Variants in PAPSS1 observed in about 807,000 individuals in gnomAD.
PAPSS1 encodes the protein 3'-phosphoadenosine 5'-phosphosulfate synthase 1, also known as bifunctional 3'-phosphoadenosine 5'-phosphosulfate synthase 1.
PAPSS1 carries 50 observed loss-of-function variants against 72.0 expected under a neutral mutation model. The observed-to-expected ratio is 0.69, with a 90% CI of 0.55 to 0.88. The LOEUF (loss-of-function observed/expected upper bound fraction) is 0.88, where lower values mean the gene tolerates loss of function less well. Ranked by LOEUF, PAPSS1 falls within the 40% of genes least tolerant of loss-of-function variation. PAPSS1 has a pLI of 0.00. For synonymous variants in PAPSS1, 261 were observed against 263.6 expected (o/e 0.99, Z 0.09); for missense variants, 657 against 782.2 (o/e 0.84, Z 1.91).
At chr4:107,650,667 C>A (rs1487788952) in intron 9 of PAPSS1, among the ~76,000 whole-genome samples, 1 of 152,110 alleles carries the variant, frequency 6.6e-6, no homozygotes, top group African/African-American at 2.4e-5. Flanking sequence ...GAAAACCCAA[C>A]TAAAAGTATC....
At chr4:107,690,972 T>C (rs952410293) in intron 3 of PAPSS1, among the ~76,000 whole-genome samples, 17 of 152,264 alleles carry the variant, frequency 1.1e-4, no homozygotes, top group Middle Eastern at 3.4e-3. Context: ...GAAAATTGTG[T>C]ATATCCAAGG....
chr4:107,655,109 A>T (rs1196298458), intron 7 of PAPSS1, among the ~76,000 whole-genome samples: 1 of 151,156 alleles, frequency 6.6e-6, no homozygotes, highest in African/African-American at 2.4e-5. Flanking sequence ...CCAAGTTAAA[A>T]AAAAAAAAAA....
intron 11 of PAPSS1, among the ~76,000 whole-genome samples, chr4:107,626,116 T>G (rs1383359309): frequency 6.7e-6 from 1 of 149,646 alleles, no homozygotes; most frequent in Non-Finnish European, 1.5e-5. Context: ...AGGCAGAGCT[T>G]GCAGTGAGCC....
chr4:107,622,005 T>C (rs957168649), intron 11 of PAPSS1, among the ~76,000 whole-genome samples: 1 of 152,112 alleles, frequency 6.6e-6, no homozygotes, highest in Non-Finnish European at 1.5e-5. Flanking sequence ...AGGGCACTTG[T>C]ATGGGGAGAC....
chr4:107,710,378 T>A lies in PAPSS1; in HGVS notation c.61-9093A>T, dbSNP rs538570642. Among the ~76,000 whole-genome samples, 78 of 152,310 alleles carry A rather than the reference T, an allele frequency of 5.1e-4. 1 individual carries two copies. In the South Asian group the frequency reaches 0.015, roughly 29 times the overall value. ...TGTACCTAGGAAGTCCCTATAACATTTACTGCCCATATCATTCTTTTGTTA... is the reference window on the plus strand; with the variant it reads ...TGTACCTAGGAAGTCCCTATAACATATACTGCCCATATCATTCTTTTGTTA... On this transcript the variant is annotated intron_variant, in intron 1 of 11. Coordinates refer to ENST00000265174, the MANE Select transcript of PAPSS1 (RefSeq NM_005443.5).
At chr4:107,619,886 A>G (rs958741539) in intron 11 of PAPSS1, among the ~76,000 whole-genome samples, 1 of 151,876 alleles carries the variant, frequency 6.6e-6, no homozygotes, top group African/African-American at 2.4e-5. Flanking sequence ...CAAGGAGGGG[A>G]AAAAAACCCG....
At chr4:107,619,370 T>C (rs1049332466) in intron 11 of PAPSS1, among the ~76,000 whole-genome samples, 1 of 152,194 alleles carries the variant, frequency 6.6e-6, no homozygotes, top group African/African-American at 2.4e-5. Context: ...CACTTCCACA[T>C]AGTGGTGGTT....
chr4:107,647,235 A>G (rs1442912966), intron 9 of PAPSS1, among the ~76,000 whole-genome samples: 1 of 152,238 alleles, frequency 6.6e-6, no homozygotes, highest in East Asian at 1.9e-4. Context: ...CCAGCAGGAC[A>G]TGACAATATT....
intron 11 of PAPSS1, among the ~76,000 whole-genome samples, chr4:107,617,195 A>G (rs1013669319): frequency 6.9e-6 from 1 of 144,728 alleles, no homozygotes. Context: ...CAGGGTTTAT[A>G]TGAGTCTTCG....
At chr4:107,705,308 T>A (rs2726169) in intron 1 of PAPSS1, among the ~76,000 whole-genome samples, 126,153 of 152,188 alleles carry the variant, frequency 0.83, 54,023 homozygotes, top group South Asian at 0.95. Flanking sequence ...AGCGACATGG[T>A]AGGAGGTGAT....
chr4:107,662,360 A>C (rs940269960), intron 5 of PAPSS1, among the ~76,000 whole-genome samples: 15 of 152,186 alleles, frequency 9.9e-5, no homozygotes, highest in African/African-American at 3.6e-4. Flanking sequence ...CATAGCCAAA[A>C]GCTATCTATT....
chr4:107,631,998 T>C, intron 10 of PAPSS1, 138 bp from the exon 11 acceptor site: 1 of 642,634 alleles, frequency 1.6e-6, no homozygotes, highest in East Asian at 2.8e-5. Context: ...TGTATCATCC[T>C]GGGAAGCCAG....
chr4:107,645,747 C>T (rs1726677385), intron 9 of PAPSS1, among the ~76,000 whole-genome samples: 1 of 152,194 alleles, frequency 6.6e-6, no homozygotes, highest in South Asian at 2.1e-4. Flanking sequence ...TAGCAGGAGA[C>T]CTTTCCAATC....
chr4:107,648,224 T>C (rs1726742258), intron 9 of PAPSS1, among the ~76,000 whole-genome samples: 2 of 152,114 alleles, frequency 1.3e-5, no homozygotes, highest in South Asian at 4.1e-4. Flanking sequence ...GTTAAGAAAG[T>C]TTTTCTGAGC....
chr4:107,628,968 T>G (rs1481801068), intron 11 of PAPSS1, among the ~76,000 whole-genome samples: 2 of 152,218 alleles, frequency 1.3e-5, no homozygotes, highest in East Asian at 3.8e-4. Context: ...AATACAATTC[T>G]GTCAGTCAAA....
intron 9 of PAPSS1, among the ~76,000 whole-genome samples, chr4:107,651,948 C>T (rs1334419799): frequency 6.6e-6 from 1 of 152,174 alleles, no homozygotes; most frequent in Non-Finnish European, 1.5e-5. Context: ...CCCACAAACA[C>T]AACTGCTAGG....
intron 11 of PAPSS1, among the ~76,000 whole-genome samples, chr4:107,625,386 A>G (rs1560564153): frequency 6.6e-6 from 1 of 152,182 alleles, no homozygotes; most frequent in Non-Finnish European, 1.5e-5. Flanking sequence ...GAAGTCAGAG[A>G]GATCTGAGGC....
intron 3 of PAPSS1, among the ~76,000 whole-genome samples, chr4:107,691,970 G>T (rs1722933932): frequency 9.9e-6 from 1 of 101,034 alleles, no homozygotes; most frequent in African/African-American, 3.3e-5. Flanking sequence ...AATAAATGGT[G>T]CTAGAACTGG....
At chr4:107,697,322 A>T (rs1030684560) in intron 2 of PAPSS1, among the ~76,000 whole-genome samples, 3 of 152,256 alleles carry the variant, frequency 2.0e-5, no homozygotes, top group Non-Finnish European at 2.9e-5. Flanking sequence ...AGCAAAGTTA[A>T]ATGGCAATTG....
Sources: gnomAD v4.1 joint callset for allele counts (sites outside exome capture counted in the v4.1 genomes callset) on GRCh38, gnomAD v4.1.1 for gene constraint, MANE v1.5 for transcripts, NCBI Gene and HGNC (gene_info 2026-07-23, HGNC 2026-07-21) for gene names.